Variants in MAST2 observed in about 807,000 individuals in gnomAD.
MAST2 encodes the protein microtubule-associated serine/threonine-protein kinase 2.
Under a neutral mutation model 147.4 loss-of-function variants are expected in MAST2, and 70 were observed. The ratio of observed to expected loss-of-function variants is 0.47; its 90% confidence interval spans 0.39 to 0.58. The LOEUF is 0.58. Among genes scored for constraint, MAST2 ranks in the 20% least tolerant of loss-of-function variants. The pLI is 0.00. For missense variants in MAST2, 2,080 were observed against 2,302.3 expected (o/e 0.90, Z 1.98); for synonymous variants, 869 against 896.8 (o/e 0.97, Z 0.55).
Position 46,029,515 on chromosome 1 carries a change from G to A in MAST2, c.2268G>A (p.Gln756=), listed in dbSNP as rs1336245310. Residue 756 remains glutamine (Q), a synonymous_variant, in exon 19 of 29, where the codon CAG becomes CAA. Coordinates refer to ENST00000361297, the MANE Select transcript of MAST2 (RefSeq NM_015112.3). ...ATGAGGCACTGCCCCCAGACGCCCA[G>A]GACCTCACCTCCAAACTGCTCCACC... ...EGDEALPPDA[Q]DLTSKLLHQN... is the part of the protein sequence containing the mutation. 1 of 1,614,004 alleles carries A rather than the reference G, an allele frequency of 6.2e-7. No homozygotes were observed. Among genetic ancestry groups the A allele is most frequent in the Admixed American group, 1.7e-5 (1 of 60,000 alleles).
At chr1:45,850,125 T>A (rs746808567) in intron 3 of MAST2, among the ~76,000 whole-genome samples, 3 of 152,206 alleles carry the variant, frequency 2.0e-5, no homozygotes, top group Non-Finnish European at 2.9e-5. Context: ...GTTTTTTTGC[T>A]TTTTGATAAT....
chr1:45,863,009 T>C (rs1185446518), intron 3 of MAST2, among the ~76,000 whole-genome samples: 1 of 152,206 alleles, frequency 6.6e-6, no homozygotes, highest in Admixed American at 6.6e-5. Flanking sequence ...GGATTTTAGC[T>C]CTTCTAGAAT....
At chr1:45,966,892 G>C (rs1661298828) in intron 5 of MAST2, among the ~76,000 whole-genome samples, 1 of 143,256 alleles carries the variant, frequency 7.0e-6, no homozygotes, top group Non-Finnish European at 1.5e-5. Flanking sequence ...TTTAAGGCAG[G>C]GTCTCACGCC....
chr1:46,030,312 C>A, intron 21 of MAST2, 74 bp downstream of exon 21: 1 of 1,443,294 alleles, frequency 6.9e-7, no homozygotes, highest in Non-Finnish European at 9.6e-7. Flanking sequence ...AAAGGGCACA[C>A]CTGGGGCAGG....
At chr1:45,872,313 CCTT>C (rs1440408018) in intron 3 of MAST2, among the ~76,000 whole-genome samples, 2 of 152,168 alleles carry the variant, frequency 1.3e-5, no homozygotes, top group Non-Finnish European at 1.5e-5. Context: ...CAAGGACCAG[CCTT>C]GTGACTCCTG....
intron 10 of MAST2, among the ~76,000 whole-genome samples, chr1:46,013,997 A>G (rs1164607401): frequency 2.6e-5 from 4 of 152,190 alleles, no homozygotes; most frequent in Admixed American, 2.0e-4. Context: ...CCGAAGAAAA[A>G]TAATTTTAAA....
intron 4 of MAST2, among the ~76,000 whole-genome samples, chr1:45,948,026 C>T (rs7527298): frequency 0.34 from 51,599 of 152,042 alleles, 9,137 homozygotes; most frequent in African/African-American, 0.43. Context: ...CCAAAAGCTT[C>T]TTAAGCTGAT....
chr1:45,975,161 C>T (rs1644084785), intron 5 of MAST2, among the ~76,000 whole-genome samples: 1 of 152,082 alleles, frequency 6.6e-6, no homozygotes, highest in African/African-American at 2.4e-5. Flanking sequence ...AGGGGACAGT[C>T]AAGTTGCAAC....
chr1:46,012,423 G>C (rs1645751761), intron 10 of MAST2, among the ~76,000 whole-genome samples: 1 of 152,230 alleles, frequency 6.6e-6, no homozygotes, highest in Non-Finnish European at 1.5e-5. Context: ...GAAGCCCTTG[G>C]AATGCAGAAA....
intron 5 of MAST2, among the ~76,000 whole-genome samples, chr1:45,970,502 A>C (rs1017817044): frequency 6.6e-6 from 1 of 151,806 alleles, no homozygotes; most frequent in South Asian, 2.1e-4. Flanking sequence ...GTCTCTACTA[A>C]AAATACAAAA....
intron 3 of MAST2, among the ~76,000 whole-genome samples, chr1:45,853,873 T>C (rs1341694218): frequency 6.6e-6 from 1 of 152,228 alleles, no homozygotes; most frequent in Non-Finnish European, 1.5e-5. Context: ...CAGTTTTATT[T>C]TTTACATTTA....
rs558908632 is a variant in MAST2 at position 45,829,503 on chromosome 1, G to A, written c.390G>A (p.Ser130=). 9 of 1,614,152 alleles carry A rather than the reference G, an allele frequency of 5.6e-6. No homozygotes were observed. Among genetic ancestry groups the A allele is most frequent in the Admixed American group, 3.3e-5 (2 of 60,012 alleles). Residue 130 remains serine (S), a synonymous_variant, in exon 3 of 29, where the codon TCG becomes TCA. Transcript: ENST00000361297. ...GTGTGGGACAGGTGACTTGGCAGTC[G>A]TCAGGAGAAGCATCAAACCTGGTTC... The part of the protein sequence containing the change: ...HSSVGQVTWQ[S]SGEASNLVRM...
intron 20 of MAST2, 86 bp downstream of exon 20, chr1:46,030,039 A>C (rs1273008665): frequency 1.2e-6 from 2 of 1,605,066 alleles, no homozygotes; most frequent in African/African-American, 2.7e-5. Context: ...CATTGGGAGC[A>C]ACTTCTCAGG....
In MAST2 at chr1:46,008,287, C is replaced by T; in HGVS notation, c.903-9C>T. The T allele has an allele frequency of 6.2e-7, 1 of 1,601,484 alleles. No homozygotes were observed. Among genetic ancestry groups the T allele is most frequent in the Non-Finnish European group, 8.6e-7 (1 of 1,168,706 alleles). The stretch of plus-strand genomic sequence containing the variant: ...ACTAAAGTAACACAATCATTTCTTT[C>T]TTTTTTAGTCCCGGACGATCCCCAG... On this transcript the variant is annotated splice_polypyrimidine_tract_variant and intron_variant, in intron 8 of 28. Coordinates refer to ENST00000361297, the MANE Select transcript of MAST2 (RefSeq NM_015112.3).
intron 3 of MAST2, among the ~76,000 whole-genome samples, chr1:45,856,760 C>T (rs1043112224): frequency 8.7e-5 from 13 of 149,734 alleles, no homozygotes; most frequent in South Asian, 2.1e-4. Context: ...TTTGTATATA[C>T]GTGGGGAGAA....
At chr1:45,894,527 AT>A (rs1648403668) in intron 4 of MAST2, among the ~76,000 whole-genome samples, 1 of 152,218 alleles carries the variant, frequency 6.6e-6, no homozygotes, top group African/African-American at 2.4e-5. Flanking sequence ...GACACAAAAT[AT>A]TTGCTAACTA....
At chr1:45,927,723 C>T (rs552574780) in intron 4 of MAST2, among the ~76,000 whole-genome samples, 8 of 152,240 alleles carry the variant, frequency 5.3e-5, no homozygotes, top group African/African-American at 1.9e-4. Context: ...CCTGAAGCGA[C>T]ATGCATCCTT....
In MAST2 at chr1:45,864,970, A is replaced by T. The variant is rs1393431081; in HGVS notation, c.469-17394A>T. On this transcript the variant is annotated intron_variant, in intron 3 of 28. Transcript: ENST00000361297. ...GTGATTGTATACTTACGCTGGACAGAGGGATAACTGGTTTAGTGGAACAGT... is the reference window on the plus strand; with the variant it reads ...GTGATTGTATACTTACGCTGGACAGTGGGATAACTGGTTTAGTGGAACAGT... 1.1e-5 allele frequency: 4 copies of T among 374,246 alleles called. No homozygotes were observed. In the East Asian group the frequency reaches 2.1e-4, roughly 20 times the overall value. The allele number at this position is 374,246 out of a possible 1,614,324, so 23.2% of individuals were successfully genotyped here.
intron 4 of MAST2, among the ~76,000 whole-genome samples, chr1:45,898,341 T>G (rs1294910073): frequency 1.3e-5 from 2 of 152,116 alleles, no homozygotes; most frequent in Non-Finnish European, 2.9e-5. Context: ...CTCCCCCTGT[T>G]TTAGACAACC....
Sources: allele counts gnomAD v4.1 joint callset (sites outside exome capture counted in the v4.1 genomes callset), GRCh38; gene constraint gnomAD v4.1.1; transcripts MANE v1.5; gene names NCBI Gene and HGNC (gene_info 2026-07-23, HGNC 2026-07-21).